The following TENM4 variants were observed in gnomAD, a reference collection of about 807,000 sequenced individuals.
TENM4 encodes teneurin-4.
In TENM4, 82 loss-of-function variants were observed where a neutral mutation model predicts 243.3. The observed-to-expected ratio is 0.34, with a 90% confidence interval of 0.28 to 0.40. The LOEUF is 0.40. TENM4 is among the 10% of genes least tolerant of loss of function. The pLI, the probability that TENM4 is intolerant of heterozygous loss-of-function variation, is 1.00. For synonymous variants in TENM4, 1,412 were observed against 1,456.3 expected (o/e 0.97, Z 0.69); for missense variants, 3,138 against 3,673.3 (o/e 0.85, Z 3.77).
chr11:79,106,462 T>G (rs1220857993), intron 4 of TENM4, among the ~76,000 whole-genome samples: 4 of 152,222 alleles, frequency 2.6e-5, no homozygotes, highest in Non-Finnish European at 5.9e-5. Flanking sequence ...CCAAGTGTAA[T>G]GCAAAGATAT....
chr11:78,940,592 TCCTC>T (rs1341624630), intron 6 of TENM4, among the ~76,000 whole-genome samples: 6 of 152,174 alleles, frequency 3.9e-5, no homozygotes. Context: ...AGTCTCTTCT[TCCTC>T]CCAGCCCCCC....
At chr11:79,081,823 C>T (rs1190176978) in intron 4 of TENM4, among the ~76,000 whole-genome samples, 1 of 152,118 alleles carries the variant, frequency 6.6e-6, no homozygotes, top group African/African-American at 2.4e-5. Context: ...TATATTTCCT[C>T]CTCAGTTACT....
chr11:79,418,581 T>C (rs944419308), intron 1 of TENM4, among the ~76,000 whole-genome samples: 3 of 152,158 alleles, frequency 2.0e-5, no homozygotes, highest in African/African-American at 7.2e-5. Context: ...TACTGAAACA[T>C]GATTTCTCAT....
intron 18 of TENM4, among the ~76,000 whole-genome samples, chr11:78,759,434 G>A (rs1316124952): frequency 6.6e-6 from 1 of 152,208 alleles, no homozygotes; most frequent in Non-Finnish European, 1.5e-5. Flanking sequence ...CATTAAATCA[G>A]CTAGCACAAT....
At chr11:78,729,247 T>G in intron 22 of TENM4, 129 bp downstream of exon 22, 1 of 1,017,590 alleles carries the variant, frequency 9.8e-7, no homozygotes, top group Non-Finnish European at 1.4e-6. Context: ...CACGGACAGG[T>G]CTTAAAGGTC....
chr11:79,422,732 G>A (rs1403841770), intron 1 of TENM4, among the ~76,000 whole-genome samples: 1 of 152,112 alleles, frequency 6.6e-6, no homozygotes, highest in Non-Finnish European at 1.5e-5. Flanking sequence ...AGCAACCTTG[G>A]CTCCCTGGTA....
chr11:79,222,122 T>C (rs2135241041), intron 2 of TENM4, among the ~76,000 whole-genome samples: 1 of 152,356 alleles, frequency 6.6e-6, no homozygotes, highest in Non-Finnish European at 1.5e-5. Context: ...CAGTCTTATG[T>C]TTGAAATGAC....
chr11:79,202,835 C>T (rs1335277418), intron 3 of TENM4, among the ~76,000 whole-genome samples: 1 of 152,190 alleles, frequency 6.6e-6, no homozygotes, highest in African/African-American at 2.4e-5. Flanking sequence ...GACAGAAAGA[C>T]CATGGACTAG....
intron 6 of TENM4, among the ~76,000 whole-genome samples, chr11:79,047,307 C>T (rs1859681146): frequency 6.6e-6 from 1 of 152,286 alleles, no homozygotes; most frequent in Non-Finnish European, 1.5e-5. Flanking sequence ...AAAGGTTTCA[C>T]CCCAGCTTTT....
chr11:79,139,867 G>T (rs1252718696), intron 4 of TENM4, among the ~76,000 whole-genome samples: 1 of 134,290 alleles, frequency 7.4e-6, no homozygotes, highest in Non-Finnish European at 1.6e-5. Flanking sequence ...TTTTCCATTA[G>T]TTCTGTCCCT....
intron 1 of TENM4, among the ~76,000 whole-genome samples, chr11:79,415,199 T>A (rs143325520): frequency 6.6e-6 from 1 of 152,370 alleles, no homozygotes; most frequent in Non-Finnish European, 1.5e-5. Context: ...CCTCAAAGAA[T>A]GTCTGCTGAA....
intron 3 of TENM4, among the ~76,000 whole-genome samples, chr11:79,207,822 T>A (rs1017995555): frequency 6.9e-6 from 1 of 144,540 alleles, no homozygotes. Flanking sequence ...ACAGAGATTG[T>A]GTCACTGTAC....
intron 7 of TENM4, among the ~76,000 whole-genome samples, chr11:78,898,472 AGCT>A (rs1855846011): frequency 6.6e-6 from 1 of 152,150 alleles, no homozygotes; most frequent in South Asian, 2.1e-4. Context: ...GACTGGCAAA[AGCT>A]GTTTAGGCTC....
intron 4 of TENM4, among the ~76,000 whole-genome samples, chr11:79,074,546 G>A (rs185282984): frequency 1.3e-3 from 199 of 152,314 alleles, no homozygotes; most frequent in Non-Finnish European, 2.4e-3. Flanking sequence ...AACTTTCCTT[G>A]TCTCTCTCTG....
chr11:78,799,068 A>G (rs1857225588), intron 15 of TENM4, among the ~76,000 whole-genome samples: 1 of 152,120 alleles, frequency 6.6e-6, no homozygotes, highest in African/African-American at 2.4e-5. Flanking sequence ...TCAGCGTGGG[A>G]GCAGGTCTGG....
chr11:79,280,088 C>G (rs1476382328), intron 2 of TENM4, among the ~76,000 whole-genome samples: 1 of 152,200 alleles, frequency 6.6e-6, no homozygotes, highest in African/African-American at 2.4e-5. Flanking sequence ...AAAATCAAAC[C>G]TGTTTCATCT....
intron 7 of TENM4, among the ~76,000 whole-genome samples, chr11:78,892,558 G>C (rs906096171): frequency 2.0e-5 from 3 of 152,142 alleles, no homozygotes; most frequent in Non-Finnish European, 4.4e-5. Flanking sequence ...ACAGTACTGA[G>C]CTCACAAGGT....
intron 1 of TENM4, among the ~76,000 whole-genome samples, chr11:79,419,908 G>A (rs535187795): frequency 4.8e-4 from 73 of 152,208 alleles, no homozygotes; most frequent in African/African-American, 1.6e-3. Flanking sequence ...AGGTGGGTGC[G>A]GGGAGGGAGT....
intron 15 of TENM4, among the ~76,000 whole-genome samples, chr11:78,793,613 A>G (rs961568466): frequency 6.6e-6 from 1 of 152,216 alleles, no homozygotes; most frequent in Non-Finnish European, 1.5e-5. Context: ...TCCAAGCCAA[A>G]CCATTAATAG....
Sources: gnomAD v4.1 joint callset for allele counts (sites outside exome capture counted in the v4.1 genomes callset) on GRCh38, gnomAD v4.1.1 for gene constraint, MANE v1.5 for transcripts, NCBI Gene and HGNC (gene_info 2026-07-23, HGNC 2026-07-21) for gene names.